COLEC12: variants seen among roughly 807,000 people sequenced by gnomAD.
COLEC12 encodes collectin subfamily member 12.
A neutral mutation model predicts 71.1 loss-of-function variants in COLEC12; 33 were observed. The ratio of observed to expected loss-of-function variants is 0.46; its 90% CI spans 0.35 to 0.62. The LOEUF (loss-of-function observed/expected upper bound fraction) is 0.62. Ranked by LOEUF, COLEC12 falls within the 20% of genes least tolerant of loss-of-function variation. The pLI is 0.00. For missense variants in COLEC12, 765 were observed against 916.1 expected, an observed-to-expected ratio of 0.84 and a Z score of 2.13; for synonymous variants, 350 against 353.0, an observed-to-expected ratio of 0.99 and a Z score of 0.10.
chr18:448,159 T>C (rs1916689344), intron 2 of COLEC12, among the ~76,000 whole-genome samples: 1 of 152,268 alleles, frequency 6.6e-6, no homozygotes, highest in African/African-American at 2.4e-5. Context: ...GTGTCTCTCT[T>C]GAAAATATCA....
At chr18:436,457 G>A (rs1916405012) in intron 2 of COLEC12, among the ~76,000 whole-genome samples, 2 of 134,924 alleles carry the variant, frequency 1.5e-5, no homozygotes, top group South Asian at 2.5e-4. Context: ...GGAGGTTGCA[G>A]TGAGCAGAGA....
At chr18:369,017 A>T (rs183198901) in intron 2 of COLEC12, among the ~76,000 whole-genome samples, 2 of 152,190 alleles carry the variant, frequency 1.3e-5, no homozygotes, top group African/African-American at 2.4e-5. Context: ...ATGTTCAGTG[A>T]CTTTATATTG....
chr18:423,039 G>A (rs758118547), intron 2 of COLEC12, among the ~76,000 whole-genome samples: 18 of 152,202 alleles, frequency 1.2e-4, no homozygotes, highest in South Asian at 2.1e-4. Context: ...GGGAGGCCAA[G>A]GTTGGAGGAT....
In COLEC12 at chr18:319,383, T is replaced by C. The variant is rs1237890299; in HGVS notation, c.*662A>G. On this transcript the variant is annotated 3_prime_UTR_variant, in exon 10 of 10. Coordinates refer to ENST00000400256, the MANE Select transcript of COLEC12 (RefSeq NM_130386.3). ...ATATATACACATGTATATTTAATTA[T>C]TTTTTTAAAGCCACAATTGAAAAAA... The C allele has an allele frequency of 6.9e-6, 1 of 144,710 alleles. No individual in the cohort carries two copies. The highest frequency in any genetic ancestry group is 1.5e-5 in the Non-Finnish European group (1 of 65,936). The allele number at this position is 144,710 out of a possible 1,614,324, so 9.0% of individuals were successfully genotyped here. A position where few individuals can be genotyped will look rare whatever the true frequency, so the allele number is the denominator to read the frequency against.
At chr18:377,399 C>T (rs1915137331) in intron 2 of COLEC12, among the ~76,000 whole-genome samples, 1 of 152,224 alleles carries the variant, frequency 6.6e-6, no homozygotes, top group Admixed American at 6.5e-5. Context: ...AGGACTGGAA[C>T]CCCCAGCAAG....
At chr18:486,792 T>C (rs953030401) in intron 1 of COLEC12, among the ~76,000 whole-genome samples, 1 of 152,180 alleles carries the variant, frequency 6.6e-6, no homozygotes, top group African/African-American at 2.4e-5. Flanking sequence ...TAAGAAGCAG[T>C]TGGCTATAAC....
intron 2 of COLEC12, among the ~76,000 whole-genome samples, chr18:479,706 T>C (rs551043955): frequency 2.6e-5 from 4 of 152,260 alleles, no homozygotes; most frequent in South Asian, 4.2e-4. Flanking sequence ...ACCACTGGCA[T>C]TTCAAGGTCA....
chr18:385,179 C>T (rs768741074), intron 2 of COLEC12, among the ~76,000 whole-genome samples: 1 of 152,082 alleles, frequency 6.6e-6, no homozygotes, highest in Non-Finnish European at 1.5e-5. Flanking sequence ...TATGAAAATA[C>T]GTAGTGTTGT....
At position 459,247 on chromosome 18, in the gene COLEC12, T is replaced by C. The variant is rs139923239; in HGVS notation, c.58+21460A>G. ...GGGTCTGGATTGATTCAGGACAGGA[T>C]GGCTCTTAGGTACAGGCAGAGAAAA... is the stretch of plus-strand genomic sequence containing the variant. On this transcript the variant is annotated intron_variant, in intron 2 of 9. Transcript: ENST00000400256. 4.9e-3 allele frequency among the ~76,000 whole-genome samples: 747 copies of C among 152,314 alleles called. 11 individuals carry two copies. The highest frequency in any genetic ancestry group is 0.01 in the Middle Eastern group (3 of 294).
intron 2 of COLEC12, among the ~76,000 whole-genome samples, chr18:440,664 C>T (rs1685237115): frequency 6.6e-6 from 1 of 152,170 alleles, no homozygotes; most frequent in South Asian, 2.1e-4. Flanking sequence ...CCTTATCAGT[C>T]TTCTGTATCC....
intron 2 of COLEC12, among the ~76,000 whole-genome samples, chr18:442,270 A>G (rs1030168676): frequency 1.3e-5 from 2 of 152,136 alleles, no homozygotes; most frequent in South Asian, 4.1e-4. Flanking sequence ...TGACTTATAA[A>G]TTCAAGTTTG....
At position 480,614 on chromosome 18, in the gene COLEC12, G is replaced by T; in HGVS notation, c.58+93C>A. 1 of 1,103,154 alleles carries T rather than the reference G, an allele frequency of 9.1e-7. No homozygotes were observed. The highest frequency in any genetic ancestry group is 1.4e-6 in the Non-Finnish European group (1 of 714,448). 68.3% of individuals were successfully genotyped at this position (1,103,154 alleles called of 1,614,324 possible). ...AGCCACAAACACCCATGTGCATGAA[G>T]GGCCTGCCAGTGGCCTGCCAATGGT... On this transcript the variant is annotated intron_variant, in intron 2 of 9. Transcript: ENST00000400256. The surrounding 1 kb of genome is among the most constrained non-coding windows in gnomAD (Gnocchi z 4.1).
chr18:460,135 C>T (rs1424223320), intron 2 of COLEC12, among the ~76,000 whole-genome samples: 2 of 152,060 alleles, frequency 1.3e-5, no homozygotes, highest in African/African-American at 4.8e-5. Context: ...ACAGTAAGAA[C>T]GTTTTTGACA....
At chr18:481,223 G>A (rs188450622) in intron 1 of COLEC12, among the ~76,000 whole-genome samples, 39 of 152,216 alleles carry the variant, frequency 2.6e-4, no homozygotes, top group African/African-American at 8.7e-4. Flanking sequence ...TAAATGTCTG[G>A]GCTCTGGGGT....
rs1427247501 is a variant in COLEC12 at position 480,332 on chromosome 18, T to C, written c.58+375A>G. Among the ~76,000 whole-genome samples, 2 of 152,134 alleles carry C rather than the reference T, an allele frequency of 1.3e-5. No individual in the cohort carries two copies. The highest frequency in any genetic ancestry group is 2.1e-4 in the South Asian group (1 of 4,826). ...TCATCCATGAACACTGGGTTAGGAG[T>C]GTAAGGCCTGAGCAAAGACGTTTTC... On this transcript the variant is annotated intron_variant, in intron 2 of 9. Coordinates refer to ENST00000400256, the MANE Select transcript of COLEC12 (RefSeq NM_130386.3). This position sits in a 1 kb window ranked among gnomAD's most constrained non-coding sequence, Gnocchi z 4.1.
At chr18:467,490 T>A (rs192205779) in intron 2 of COLEC12, among the ~76,000 whole-genome samples, 2 of 152,190 alleles carry the variant, frequency 1.3e-5, no homozygotes, top group African/African-American at 4.8e-5. Context: ...GGGTTTATGT[T>A]TTTTGTCCAA....
At chr18:416,864 G>T (rs1487691565) in intron 2 of COLEC12, among the ~76,000 whole-genome samples, 1 of 150,934 alleles carries the variant, frequency 6.6e-6, no homozygotes, top group Non-Finnish European at 1.5e-5. Flanking sequence ...AGGTGGGGGC[G>T]GTGGGGGGTG....
Position 408,127 on chromosome 18 carries a change from G to T in COLEC12, c.59-50605C>A, listed in dbSNP as rs1326702012. Among the ~76,000 whole-genome samples the T allele has an allele frequency of 6.6e-6, 1 of 152,190 alleles. No homozygotes were observed. Among genetic ancestry groups the T allele is most frequent in the African/African-American group, 2.4e-5 (1 of 41,452 alleles). On this transcript the variant is annotated intron_variant, in intron 2 of 9. Transcript: ENST00000400256. The surrounding 1 kb of genome is among the most constrained non-coding windows in gnomAD (Gnocchi z 4.3). ...GCAAGAGGTTAAGTCAATTTCTTTGGTTTTCAGCATGGTGTGAGGACAGTG... is the reference window on the plus strand; with the variant it reads ...GCAAGAGGTTAAGTCAATTTCTTTGTTTTTCAGCATGGTGTGAGGACAGTG...
At chr18:476,288 T>C (rs1917302292) in intron 2 of COLEC12, among the ~76,000 whole-genome samples, 1 of 152,262 alleles carries the variant, frequency 6.6e-6, no homozygotes, top group African/African-American at 2.4e-5. Context: ...TTTCACAGTT[T>C]GCCATTATTC....
Sources: allele counts gnomAD v4.1 joint callset (sites outside exome capture counted in the v4.1 genomes callset), GRCh38; gene constraint gnomAD v4.1.1; non-coding constraint Gnocchi (gnomAD v3.1); transcripts MANE v1.5; gene names NCBI Gene and HGNC (gene_info 2026-07-23, HGNC 2026-07-21).